The following MORN5 variants were observed in gnomAD, a reference collection of about 807,000 sequenced individuals.
The protein encoded by MORN5 is MORN repeat-containing protein 5.
A neutral mutation model predicts 22.1 loss-of-function variants in MORN5; 21 were observed. The ratio of observed to expected loss-of-function variants is 0.95; its 90% confidence interval spans 0.67 to 1.37. The LOEUF (loss-of-function observed/expected upper bound fraction) is 1.37, where lower values mean the gene tolerates loss of function less well. MORN5 is among the 40% of genes most tolerant of loss of function. MORN5 has a pLI of 0.00. For missense variants in MORN5, 211 were observed against 215.1 expected (o/e 0.98, Z 0.12); for synonymous variants, 73 against 74.0 (o/e 0.99, Z 0.07).
chr9:122,184,005 A>G (rs1441458896), intron 4 of MORN5, among the ~76,000 whole-genome samples: 1 of 152,190 alleles, frequency 6.6e-6, no homozygotes, highest in African/African-American at 2.4e-5. Context: ...GGGTCTGAAA[A>G]GTAACCTGGC....
chr9:122,185,871 A>G (rs1829622492), intron 4 of MORN5, among the ~76,000 whole-genome samples: 1 of 152,224 alleles, frequency 6.6e-6, no homozygotes, highest in Non-Finnish European at 1.5e-5. Context: ...ACCTTGCCAC[A>G]GTGCTTTCCT....
intron 3 of MORN5, among the ~76,000 whole-genome samples, chr9:122,173,469 C>T (rs902490739): frequency 4.6e-5 from 7 of 152,080 alleles, no homozygotes; most frequent in Admixed American, 6.5e-5. Context: ...GTCAGGGTTA[C>T]GGTTAGGTAT....
At chr9:122,168,396 G>A (rs1588302199) in intron 2 of MORN5, among the ~76,000 whole-genome samples, 1 of 152,148 alleles carries the variant, frequency 6.6e-6, no homozygotes, top group African/African-American at 2.4e-5. Flanking sequence ...GTGTAAAGGG[G>A]ACTAAGTTTT....
intron 4 of MORN5, among the ~76,000 whole-genome samples, chr9:122,194,999 G>C (rs1446575352): frequency 6.7e-6 from 1 of 149,026 alleles, no homozygotes; most frequent in Non-Finnish European, 1.5e-5. Flanking sequence ...CAGCCTGGGT[G>C]ACAGAGCAAA....
Position 122,198,646 on chromosome 9 carries a change from C to T in MORN5, c.440-1239C>T, listed in dbSNP as rs559649963. On this transcript the variant is annotated intron_variant, in intron 4 of 4. Transcript: ENST00000373764. Reference sequence around the variant, plus strand: ...TCGTTGACCCTCCTCCTGGAAGGAACGTAACCCCAGAGACATTCTCCACGT... The same window carrying T: ...TCGTTGACCCTCCTCCTGGAAGGAATGTAACCCCAGAGACATTCTCCACGT... Among the ~76,000 whole-genome samples, 4 of 152,254 alleles carry T rather than the reference C, an allele frequency of 2.6e-5. No individual in the cohort carries two copies. In the South Asian group the frequency reaches 8.3e-4, roughly 32 times the overall value.
chr9:122,180,249 C>T (rs940393879), intron 4 of MORN5, among the ~76,000 whole-genome samples: 5 of 144,756 alleles, frequency 3.5e-5, no homozygotes, highest in African/African-American at 1.3e-4. Flanking sequence ...ATGTATGTAT[C>T]TTTGTACATG....
At position 122,199,967 on chromosome 9, in the gene MORN5, T is replaced by C; in HGVS notation, c.*36T>C. 6.2e-7 allele frequency: 1 copy of C among 1,611,264 alleles called. No homozygotes were observed. The highest frequency in any genetic ancestry group is 1.7e-4 in the Middle Eastern group (1 of 6,054). ...TGGGTCACAGGCCCGAGCCGTGAAC[T>C]CTGTGGCTGCCTCCACCAGAGGTTT... On this transcript the variant is annotated 3_prime_UTR_variant, in exon 5 of 5. Transcript: ENST00000373764.
intron 4 of MORN5, among the ~76,000 whole-genome samples, chr9:122,199,368 G>A (rs943478491): frequency 4.6e-5 from 7 of 152,166 alleles, no homozygotes; most frequent in Admixed American, 2.0e-4. Flanking sequence ...GCACAGCGGC[G>A]AGCTCCTGCC....
intron 2 of MORN5, among the ~76,000 whole-genome samples, 166 bp from the exon 3 acceptor site, chr9:122,169,479 G>A (rs1183327303): frequency 1.3e-5 from 2 of 152,076 alleles, no homozygotes; most frequent in East Asian, 3.9e-4. Flanking sequence ...GACAGGGCTC[G>A]GCACTTATAC....
At chr9:122,196,622 C>T (rs1291397986) in intron 4 of MORN5, among the ~76,000 whole-genome samples, 6 of 152,272 alleles carry the variant, frequency 3.9e-5, no homozygotes, top group South Asian at 4.1e-4. Flanking sequence ...TAAGCCACCG[C>T]GCCCGGCAAA....
chr9:122,170,270 T>C (rs916869000), intron 3 of MORN5, among the ~76,000 whole-genome samples: 5 of 144,546 alleles, frequency 3.5e-5, no homozygotes, highest in Admixed American at 2.9e-4. Context: ...CACTCCAGCC[T>C]GGGCGACAGA....
chr9:122,170,853 G>C (rs992461965), intron 3 of MORN5, among the ~76,000 whole-genome samples: 1 of 152,190 alleles, frequency 6.6e-6, no homozygotes, highest in African/African-American at 2.4e-5. Context: ...GAGAGGGATA[G>C]TATTAGGAGA....
rs1353066805 is a variant in MORN5, at chr9:122,197,613, G to A, written c.440-2272G>A. Among the ~76,000 whole-genome samples, 2 of 152,182 alleles carry A rather than the reference G, an allele frequency of 1.3e-5. No individual in the cohort carries two copies. Among genetic ancestry groups the A allele is most frequent in the African/African-American group, 4.8e-5 (2 of 41,450 alleles). ...CTGTACAGCCAGGTAGAGAGTGAAA[G>A]GGGTAGTGAAGAGGGCTGTTAAGTC... is the stretch of plus-strand genomic sequence containing the variant. On this transcript the variant is annotated intron_variant, in intron 4 of 4. Coordinates refer to ENST00000373764, the MANE Select transcript of MORN5 (RefSeq NM_198469.4). This position sits in a 1 kb window ranked among gnomAD's most constrained non-coding sequence, Gnocchi z 5.7.
chr9:122,169,029 G>A (rs1407896310), intron 2 of MORN5, among the ~76,000 whole-genome samples: 2 of 152,006 alleles, frequency 1.3e-5, no homozygotes, highest in African/African-American at 2.4e-5. Context: ...GATGTCCAAG[G>A]GCAAGGAAGA....
At chr9:122,182,921 C>T (rs1829558406) in intron 4 of MORN5, among the ~76,000 whole-genome samples, 1 of 152,224 alleles carries the variant, frequency 6.6e-6, no homozygotes, top group Admixed American at 6.5e-5. Flanking sequence ...CCAATCTTCC[C>T]AAAGCCTGTC....
intron 4 of MORN5, among the ~76,000 whole-genome samples, chr9:122,189,024 G>T (rs566451672): frequency 6.6e-6 from 1 of 151,982 alleles, no homozygotes; most frequent in Admixed American, 6.6e-5. Flanking sequence ...GTGAAACCCC[G>T]TCTCTACTAA....
Position 122,169,458 on chromosome 9 carries a change from T to G in MORN5, c.196-187T>G, listed in dbSNP as rs141967852. Among the ~76,000 whole-genome samples, 273 of 152,336 alleles carry G rather than the reference T, an allele frequency of 1.8e-3. 2 individuals are homozygous for G. Among genetic ancestry groups the G allele is most frequent in the African/African-American group, 6.0e-3 (248 of 41,574 alleles). On this transcript the variant is annotated intron_variant, in intron 2 of 4. Coordinates refer to ENST00000373764, the MANE Select transcript of MORN5 (RefSeq NM_198469.4). ...TCTGCCAAAGTGAGTTCACCCACTTTGAGCGGCAGGGACAGGGCTCGGCAC... is the reference window on the plus strand; with the variant it reads ...TCTGCCAAAGTGAGTTCACCCACTTGGAGCGGCAGGGACAGGGCTCGGCAC...
chr9:122,177,663 C>T (rs1222070758), intron 4 of MORN5, among the ~76,000 whole-genome samples: 2 of 152,180 alleles, frequency 1.3e-5, no homozygotes, highest in Non-Finnish European at 2.9e-5. Flanking sequence ...GAACTACTGA[C>T]CTCAGGTGAT....
At position 122,197,978 on chromosome 9, in the gene MORN5, T is replaced by G. The variant is rs370119535; in HGVS notation, c.440-1907T>G. Among the ~76,000 whole-genome samples, 2 of 152,146 alleles carry G rather than the reference T, an allele frequency of 1.3e-5. No homozygotes were observed. Among genetic ancestry groups the G allele is most frequent in the East Asian group, 3.9e-4 (2 of 5,176 alleles). On this transcript the variant is annotated intron_variant, in intron 4 of 4. Coordinates refer to ENST00000373764, the MANE Select transcript of MORN5 (RefSeq NM_198469.4). This position sits in a 1 kb window ranked among gnomAD's most constrained non-coding sequence, Gnocchi z 5.7. Reference sequence around the variant, plus strand: ...TGTGCCAGGCAGCAAGCCGTTTTCCTTAGGTCTCATGTAAAGAAATGGTGG... The same window carrying G: ...TGTGCCAGGCAGCAAGCCGTTTTCCGTAGGTCTCATGTAAAGAAATGGTGG...
Sources: gnomAD v4.1 joint callset for allele counts (sites outside exome capture counted in the v4.1 genomes callset) on GRCh38, gnomAD v4.1.1 for gene constraint, Gnocchi (gnomAD v3.1) non-coding constraint, MANE v1.5 for transcripts, NCBI Gene and HGNC (gene_info 2026-07-23, HGNC 2026-07-21) for gene names.